ZNRF2: variants seen among roughly 807,000 people sequenced by gnomAD.
ZNRF2 encodes E3 ubiquitin-protein ligase ZNRF2.
A neutral mutation model predicts 20.4 loss-of-function variants in ZNRF2; 16 were observed. That is an observed-to-expected ratio of 0.79 (90% confidence interval 0.53 to 1.19). The LOEUF is 1.19. Ranked by LOEUF, ZNRF2 falls within the 50% of genes most tolerant of loss-of-function variation. The pLI is 0.00. For missense variants in ZNRF2, 363 were observed against 332.4 expected (o/e 1.09, Z -0.72); for synonymous variants, 178 against 144.9 (o/e 1.23, Z -1.64).
At chr7:30,357,921 A>G (rs562253070) in intron 3 of ZNRF2, among the ~76,000 whole-genome samples, 70 of 152,290 alleles carry the variant, frequency 4.6e-4, no homozygotes, top group Admixed American at 1.5e-3. Context: ...TCTCATGAAC[A>G]TAGATATAAC....
At chr7:30,333,176 C>T (rs1799661395) in intron 2 of ZNRF2, among the ~76,000 whole-genome samples, 3 of 150,032 alleles carry the variant, frequency 2.0e-5, no homozygotes, top group Admixed American at 1.3e-4. Context: ...GCCTCAGCCT[C>T]CTGAGTAGAT....
intron 2 of ZNRF2, among the ~76,000 whole-genome samples, chr7:30,351,358 C>T (rs1799958774): frequency 6.6e-6 from 1 of 151,956 alleles, no homozygotes; most frequent in South Asian, 2.1e-4. Flanking sequence ...CTAGTGGTTA[C>T]CATTGTGGAC....
intron 1 of ZNRF2, among the ~76,000 whole-genome samples, chr7:30,309,045 A>G (rs1415537514): frequency 6.6e-6 from 1 of 152,190 alleles, no homozygotes; most frequent in Non-Finnish European, 1.5e-5. Flanking sequence ...TCACTCCTGT[A>G]TAAATAAATT....
intron 2 of ZNRF2, among the ~76,000 whole-genome samples, chr7:30,331,244 T>G (rs1198431510): frequency 6.6e-6 from 1 of 152,008 alleles, no homozygotes; most frequent in African/African-American, 2.4e-5. Context: ...GGAGTGAGAG[T>G]AAGCAGATAT....
chr7:30,364,408 A>G (rs1024255037), intron 4 of ZNRF2, among the ~76,000 whole-genome samples: 3 of 152,174 alleles, frequency 2.0e-5, no homozygotes, highest in Admixed American at 1.3e-4. Flanking sequence ...GCTTGAGATA[A>G]GGAGTTTGAG....
intron 1 of ZNRF2, among the ~76,000 whole-genome samples, chr7:30,286,948 T>G (rs761353074): frequency 5.9e-5 from 9 of 152,212 alleles, no homozygotes; most frequent in Admixed American, 1.3e-4. Flanking sequence ...AATTTATCCG[T>G]TCTCATGTTC....
At chr7:30,318,415 C>T (rs1231494087) in intron 1 of ZNRF2, among the ~76,000 whole-genome samples, 1 of 152,058 alleles carries the variant, frequency 6.6e-6, no homozygotes, top group African/African-American at 2.4e-5. Flanking sequence ...ATTTAGATGA[C>T]CTGTTTGCAG....
chr7:30,336,830 C>T (rs192080909), intron 2 of ZNRF2, among the ~76,000 whole-genome samples: 17 of 152,160 alleles, frequency 1.1e-4, no homozygotes, highest in Non-Finnish European at 1.6e-4. Context: ...ATAAGAGAAG[C>T]ATATATATTT....
At chr7:30,296,429 G>A (rs942620143) in intron 1 of ZNRF2, among the ~76,000 whole-genome samples, 2 of 152,214 alleles carry the variant, frequency 1.3e-5, no homozygotes, top group African/African-American at 4.8e-5. Context: ...TTCATTAAGT[G>A]TGTGCTGCTG....
At chr7:30,296,686 C>T (rs1165583907) in intron 1 of ZNRF2, among the ~76,000 whole-genome samples, 1 of 152,144 alleles carries the variant, frequency 6.6e-6, no homozygotes, top group African/African-American at 2.4e-5. Context: ...CTCCTTTTGT[C>T]CACTCTTCCT....
Position 30,362,430 on chromosome 7 carries a change from A to T in ZNRF2, c.725A>T (p.Asp242Val), listed in dbSNP as rs771774085. The change falls in exon 4 of 5, where the codon GAT becomes GTT. Residue 242 changes from aspartate to valine, a missense_variant. Coordinates refer to ENST00000323037, the MANE Select transcript of ZNRF2 (RefSeq NM_147128.4). Reference sequence around the variant, plus strand: ...AGATCTTGCCCTGAGCACCCTTCAGATTAAGCGTCAGCTTCCTGTTTTATA... The same window carrying T: ...AGATCTTGCCCTGAGCACCCTTCAGTTTAAGCGTCAGCTTCCTGTTTTATA... Reference protein sequence around the residue: ...VNRSCPEHPSD With the variant: ...VNRSCPEHPSV 6.3e-7 allele frequency: 1 copy of T among 1,598,346 alleles called. No homozygotes were observed. Among genetic ancestry groups the T allele is most frequent in the Non-Finnish European group, 8.5e-7 (1 of 1,170,156 alleles).
At chr7:30,315,735 G>GT (rs374304487) in intron 1 of ZNRF2, among the ~76,000 whole-genome samples, 17 of 94,490 alleles carry the variant, frequency 1.8e-4, no homozygotes, top group Non-Finnish European at 3.0e-4. Context: ...GGCGGGGGGG[G>GT]GGGGGTTGGG....
At chr7:30,305,349 T>G (rs1799183333) in intron 1 of ZNRF2, among the ~76,000 whole-genome samples, 1 of 152,190 alleles carries the variant, frequency 6.6e-6, no homozygotes. Context: ...ACGTAAAGTT[T>G]TATTGTTCTT....
intron 2 of ZNRF2, among the ~76,000 whole-genome samples, chr7:30,338,423 G>GC (rs561416268): frequency 0.078 from 2,795 of 36,024 alleles, 92 homozygotes; most frequent in African/African-American, 0.19. Context: ...CCCTCCCCTA[G>GC]CCCCCCCCCA....
chr7:30,302,862 G>T (rs1166417585), intron 1 of ZNRF2, among the ~76,000 whole-genome samples: 1 of 152,136 alleles, frequency 6.6e-6, no homozygotes, highest in African/African-American at 2.4e-5. Flanking sequence ...AGGGCCCACA[G>T]AGCAAAATGC....
At chr7:30,289,009 C>G (rs1203814418) in intron 1 of ZNRF2, 1 of 152,070 alleles carries the variant, frequency 6.6e-6, no homozygotes, top group Non-Finnish European at 1.5e-5. Flanking sequence ...ATGAATTGGG[C>G]TATAGAAATA....
intron 2 of ZNRF2, among the ~76,000 whole-genome samples, chr7:30,350,747 CT>C: frequency 6.6e-6 from 1 of 151,786 alleles, no homozygotes; most frequent in Middle Eastern, 3.4e-3. Flanking sequence ...TTTTTTAATT[CT>C]TGATTTTTCT....
intron 1 of ZNRF2, among the ~76,000 whole-genome samples, chr7:30,298,559 G>GGAGC (rs1799056050): frequency 6.6e-6 from 1 of 152,190 alleles, no homozygotes; most frequent in South Asian, 2.1e-4. Flanking sequence ...TAGTGATCTA[G>GGAGC]GAGCAGAGTG....
intron 2 of ZNRF2, among the ~76,000 whole-genome samples, chr7:30,326,298 C>T (rs530347343): frequency 1.3e-5 from 2 of 152,248 alleles, no homozygotes; most frequent in South Asian, 4.1e-4. Flanking sequence ...ACTCTCCACC[C>T]TCTGGTAGGC....
Sources: gnomAD v4.1 joint callset for allele counts (sites outside exome capture counted in the v4.1 genomes callset) on GRCh38, gnomAD v4.1.1 for gene constraint, MANE v1.5 for transcripts, NCBI Gene and HGNC (gene_info 2026-07-23, HGNC 2026-07-21) for gene names.